SMARCA4: variants seen among roughly 807,000 people sequenced by gnomAD.
The protein encoded by SMARCA4 is SWI/SNF related BAF chromatin remodeling complex subunit ATPase 4.
In SMARCA4, 31 loss-of-function variants were observed where a neutral mutation model predicts 193.9. The observed-to-expected ratio is 0.16, with a 90% CI of 0.12 to 0.22. The LOEUF (loss-of-function observed/expected upper bound fraction) is 0.22, where lower values mean the gene tolerates loss of function less well. Ranked by LOEUF, SMARCA4 falls within the 10% of genes least tolerant of loss-of-function variation. SMARCA4 has a pLI of 1.00. For missense variants in SMARCA4, 1,148 were observed against 2,296.0 expected (o/e 0.50, Z 10.22); for synonymous variants, 942 against 933.1 (o/e 1.01, Z -0.17).
In SMARCA4 at chr19:11,033,533, G is replaced by GC; in HGVS notation, c.3774+20dup. On this transcript the variant is annotated intron_variant, in intron 26 of 34. Transcript: ENST00000344626. The surrounding 1 kb of genome is among the most constrained non-coding windows in gnomAD (Gnocchi z 9.8). ...GCAGGATGAGGTGAGCCCAGCACCG[G>GC]CCCCGACCCCTCCCCAGCGTGAATG... 2 of 1,596,328 alleles carry GC rather than the reference G, an allele frequency of 1.3e-6. No homozygotes were observed. Among genetic ancestry groups the GC allele is most frequent in the South Asian group, 2.2e-5 (2 of 90,742 alleles).
intron 15 of SMARCA4, among the ~76,000 whole-genome samples, chr19:11,011,444 C>T (rs571250761): frequency 2.0e-5 from 3 of 152,134 alleles, no homozygotes; most frequent in Non-Finnish European, 4.4e-5. Context: ...AAGCTGGTCT[C>T]AAACTCCTGA....
Position 11,034,330 on chromosome 19 carries a change from G to A in SMARCA4, c.3951+130G>A, listed in dbSNP as rs2075130615. 1 of 757,124 alleles carries A rather than the reference G, an allele frequency of 1.3e-6. No homozygotes were observed. Among genetic ancestry groups the A allele is most frequent in the African/African-American group, 1.7e-5 (1 of 58,282 alleles). The allele number at this position is 757,124 out of a possible 1,614,324, so 46.9% of individuals were successfully genotyped here. A position where few individuals can be genotyped will look rare whatever the true frequency, so the allele number is the denominator to read the frequency against. On this transcript the variant is annotated intron_variant, in intron 28 of 34. Coordinates refer to ENST00000344626, the MANE Select transcript of SMARCA4 (RefSeq NM_003072.5). The surrounding 1 kb of genome is among the most constrained non-coding windows in gnomAD (Gnocchi z 7.0). ...GGAGCCAGGGACAGCTCACAGTGCA[G>A]CCCACTCCCACCTCCAGACTGACCC...
At position 11,018,947 on chromosome 19, in the gene SMARCA4, G is replaced by T. The variant is rs1060504469; in HGVS notation, c.2439-10G>T. ...ACCGGCACTTGACTCTCATTTCCTT[G>T]TTCCATCAGAACGCTGTCCAACTGG... On this transcript the variant is annotated splice_polypyrimidine_tract_variant and intron_variant, in intron 16 of 34. Transcript: ENST00000344626. 3 of 1,612,734 alleles carry T rather than the reference G, an allele frequency of 1.9e-6. No homozygotes were observed. Among genetic ancestry groups the T allele is most frequent in the Non-Finnish European group, 2.5e-6 (3 of 1,178,634 alleles).
At chr19:10,993,836 G>A (rs918117000) in intron 8 of SMARCA4, among the ~76,000 whole-genome samples, 7 of 151,812 alleles carry the variant, frequency 4.6e-5, no homozygotes, top group East Asian at 1.9e-4. Context: ...TAGTAGAGAC[G>A]GGGTTTCACC....
intron 19 of SMARCA4, among the ~76,000 whole-genome samples, chr19:11,023,228 C>T (rs890536536): frequency 6.6e-6 from 1 of 152,166 alleles, no homozygotes; most frequent in African/African-American, 2.4e-5. Context: ...GCAGCATGCC[C>T]GCTGCCGGGG....
intron 24 of SMARCA4, among the ~76,000 whole-genome samples, chr19:11,028,348 A>G (rs982626759): frequency 6.6e-6 from 1 of 152,210 alleles, no homozygotes; most frequent in Non-Finnish European, 1.5e-5. Context: ...TGCAGGTGAT[A>G]TTGGAGAGAC....
At position 10,964,107 on chromosome 19, in the gene SMARCA4, G is replaced by A. The variant is rs562190871; in HGVS notation, c.-32+2933G>A. On this transcript the variant is annotated intron_variant, in intron 1 of 34. Transcript: ENST00000344626. ...GAATTGTGATATAGGGCAGTGCAGTGGTCTCTAAACTTCTTGTCAGTGAGG... is the reference window on the plus strand; with the variant it reads ...GAATTGTGATATAGGGCAGTGCAGTAGTCTCTAAACTTCTTGTCAGTGAGG... Among the ~76,000 whole-genome samples, 10 of 152,090 alleles carry A rather than the reference G, an allele frequency of 6.6e-5. No homozygotes were observed. In the South Asian group the frequency reaches 1.7e-3, roughly 25 times the overall value.
Position 11,062,072 on chromosome 19 carries a change from C to G in SMARCA4, c.*256C>G. 1 of 566,230 alleles carries G rather than the reference C, an allele frequency of 1.8e-6. No homozygotes were observed. The highest frequency in any genetic ancestry group is 2.9e-5 in the East Asian group (1 of 34,120). The allele number at this position is 566,230 out of a possible 1,614,324, so 35.1% of individuals were successfully genotyped here. A position where few individuals can be genotyped will look rare whatever the true frequency, so the allele number is the denominator to read the frequency against. ...AGAGAATTCCGAATTGGGGAACACA[C>G]GATACCTGTTTTTCTTTTCCGTTGC... is the stretch of plus-strand genomic sequence containing the variant. On this transcript the variant is annotated 3_prime_UTR_variant, in exon 35 of 35. Coordinates refer to ENST00000344626, the MANE Select transcript of SMARCA4 (RefSeq NM_003072.5).
At chr19:10,979,402 G>C (rs2145653108) in intron 1 of SMARCA4, among the ~76,000 whole-genome samples, 1 of 150,832 alleles carries the variant, frequency 6.6e-6, no homozygotes, top group African/African-American at 2.4e-5. Context: ...TGGTGACCCT[G>C]TGTGATTGTC....
intron 11 of SMARCA4, among the ~76,000 whole-genome samples, chr19:11,000,334 C>T (rs953192673): frequency 6.6e-5 from 10 of 151,636 alleles, no homozygotes; most frequent in African/African-American, 2.4e-4. Flanking sequence ...CCCAGGAGTT[C>T]GAAACCAGCC....
chr19:11,026,459 T>G, intron 23 of SMARCA4, 113 bp downstream of exon 23: 1 of 793,314 alleles, frequency 1.3e-6, no homozygotes, highest in Non-Finnish European at 2.2e-6. Flanking sequence ...GGCAGAAAAT[T>G]AGAAAATACA....
intron 1 of SMARCA4, among the ~76,000 whole-genome samples, chr19:10,964,910 C>T (rs145295022): frequency 2.7e-4 from 41 of 152,284 alleles, no homozygotes; most frequent in African/African-American, 7.9e-4. Context: ...CGTGAGCCAC[C>T]GTGCCCAGCC....
At chr19:10,994,318 G>GTTTTTT (rs1006312137) in intron 8 of SMARCA4, among the ~76,000 whole-genome samples, 4 of 98,908 alleles carry the variant, frequency 4.0e-5, no homozygotes, top group Admixed American at 1.1e-4. Flanking sequence ...GATATTCTAG[G>GTTTTTT]TTTTTTTTTT....
intron 21 of SMARCA4, among the ~76,000 whole-genome samples, chr19:11,025,113 A>G (rs1016208202): frequency 3.3e-5 from 5 of 152,066 alleles, no homozygotes; most frequent in Non-Finnish European, 2.9e-5. Flanking sequence ...GCCCAGAACA[A>G]AGCTGGCATC....
At chr19:11,061,319 C>A (rs986555073) in intron 34 of SMARCA4, among the ~76,000 whole-genome samples, 8 of 148,486 alleles carry the variant, frequency 5.4e-5, no homozygotes, top group Admixed American at 4.7e-4. Context: ...AAGGGCCAGG[C>A]AGGTGACATG....
intron 29 of SMARCA4, among the ~76,000 whole-genome samples, chr19:11,036,503 C>T (rs1485227480): frequency 6.6e-6 from 1 of 152,170 alleles, no homozygotes; most frequent in Non-Finnish European, 1.5e-5. Flanking sequence ...AAACAATCCA[C>T]CCGCCTCGGC....
At chr19:11,029,392 C>G (rs568973982) in intron 24 of SMARCA4, among the ~76,000 whole-genome samples, 3 of 152,260 alleles carry the variant, frequency 2.0e-5, no homozygotes, top group Admixed American at 6.5e-5. Flanking sequence ...ACAGATGTGT[C>G]CTCTGCATGT....
In SMARCA4 at chr19:10,987,705, A is replaced by G. The variant is rs2145814856; in HGVS notation, c.899A>G (p.Gln300Arg). 6.2e-7 allele frequency: 1 copy of G among 1,612,002 alleles called. No individual in the cohort carries two copies. Among genetic ancestry groups the G allele is most frequent in the Non-Finnish European group, 8.5e-7 (1 of 1,179,182 alleles). Residue 300 changes from glutamine (Q) to arginine (R), a missense_variant, in exon 6 of 35, where the codon CAG becomes CGG. Coordinates refer to ENST00000344626, the MANE Select transcript of SMARCA4 (RefSeq NM_003072.5). This position sits in a 1 kb window ranked among gnomAD's most constrained non-coding sequence, Gnocchi z 5.3. ...ANAAAPTSTP[Q>R]KLIPPQPTGR... ...GCTGCTGCCCCCACGAGCACCCCTC[A>G]GAAGCTGATTCCCCCGCAGCCAACG...
rs1388582149 is a variant in SMARCA4 at position 11,034,834 on chromosome 19, T to C, written c.3952-80T>C. 9.7e-6 allele frequency: 9 copies of C among 924,664 alleles called. No individual in the cohort carries two copies. Among genetic ancestry groups the C allele is most frequent in the Non-Finnish European group, 1.5e-5 (9 of 588,232 alleles). The allele number at this position is 924,664 out of a possible 1,614,324, so 57.3% of individuals were successfully genotyped here. On this transcript the variant is annotated intron_variant, in intron 28 of 34. Coordinates refer to ENST00000344626, the MANE Select transcript of SMARCA4 (RefSeq NM_003072.5). The surrounding 1 kb of genome is among the most constrained non-coding windows in gnomAD (Gnocchi z 7.0). ...CCCCACGGGCAGAGAAAGGCCCTTC[T>C]GAACTCTCGGTGTTCTGGCTCTAGC...
Sources: allele counts gnomAD v4.1 joint callset (sites outside exome capture counted in the v4.1 genomes callset), GRCh38; gene constraint gnomAD v4.1.1; non-coding constraint Gnocchi (gnomAD v3.1); transcripts MANE v1.5; gene names NCBI Gene and HGNC (gene_info 2026-07-23, HGNC 2026-07-21).